Variants in CDK5RAP2 observed in about 807,000 individuals in gnomAD.
CDK5RAP2 encodes CDK5 regulatory subunit-associated protein 2.
In CDK5RAP2, 147 loss-of-function variants were observed where a neutral mutation model predicts 232.9. The ratio of observed to expected loss-of-function variants is 0.63; its 90% CI spans 0.55 to 0.72. The LOEUF (loss-of-function observed/expected upper bound fraction) is 0.72. Ranked by LOEUF, CDK5RAP2 falls within the 30% of genes least tolerant of loss-of-function variation. CDK5RAP2 has a pLI of 0.00. For missense variants in CDK5RAP2, 2,195 were observed against 2,231.5 expected (o/e 0.98, Z 0.33); for synonymous variants, 833 against 833.7 (o/e 1.00, Z 0.01).
chr9:120,444,891 T>C (rs2036095465), intron 22 of CDK5RAP2, among the ~76,000 whole-genome samples: 1 of 152,190 alleles, frequency 6.6e-6, no homozygotes, highest in African/African-American at 2.4e-5. Context: ...CAAAGGACTG[T>C]TGAGAGAACC....
chr9:120,542,390 A>G (rs2041669425), intron 5 of CDK5RAP2, among the ~76,000 whole-genome samples: 1 of 151,970 alleles, frequency 6.6e-6, no homozygotes, highest in African/African-American at 2.4e-5. Flanking sequence ...CTGTAATCCC[A>G]GCTACTCGGG....
intron 12 of CDK5RAP2, among the ~76,000 whole-genome samples, chr9:120,495,914 G>A (rs1193379786): frequency 1.5e-3 from 134 of 86,930 alleles, no homozygotes; most frequent in African/African-American, 4.5e-3. Flanking sequence ...CAGCCACCCC[G>A]TCCGGGAGGG....
At chr9:120,538,988 C>G in intron 6 of CDK5RAP2, 53 bp downstream of exon 6, 1 of 1,589,608 alleles carries the variant, frequency 6.3e-7, no homozygotes, top group Admixed American at 1.7e-5. Context: ...CTGTGCCAGC[C>G]TATTATTAAC....
At chr9:120,413,826 A>AGAG (rs1163760057) in intron 28 of CDK5RAP2, among the ~76,000 whole-genome samples, 4 of 120,902 alleles carry the variant, frequency 3.3e-5, no homozygotes, top group Non-Finnish European at 5.1e-5. Context: ...AGGAGGGAGG[A>AGAG]GGGAGGAGGG....
At chr9:120,472,153 C>T (rs1241485870) in intron 15 of CDK5RAP2, among the ~76,000 whole-genome samples, 3 of 152,212 alleles carry the variant, frequency 2.0e-5, no homozygotes, top group African/African-American at 4.8e-5. Context: ...ACTAGACATA[C>T]AATGCTGATA....
chr9:120,518,208 T>TGAGACA (rs1229355233), intron 12 of CDK5RAP2, among the ~76,000 whole-genome samples: 1 of 111,398 alleles, frequency 9.0e-6, no homozygotes, highest in Non-Finnish European at 1.7e-5. Context: ...TGTGTGTGTG[T>TGAGACA]GTGAGAGAGA....
intron 12 of CDK5RAP2, among the ~76,000 whole-genome samples, chr9:120,511,976 G>A (rs2040112234): frequency 6.6e-6 from 1 of 152,050 alleles, no homozygotes; most frequent in Non-Finnish European, 1.5e-5. Context: ...CACCTCAGGT[G>A]ATCCACCCAC....
intron 11 of CDK5RAP2, 59 bp from the exon 12 acceptor site, chr9:120,518,704 A>T: frequency 7.3e-7 from 1 of 1,365,038 alleles, no homozygotes; most frequent in East Asian, 2.3e-5. Flanking sequence ...GAAACAAACC[A>T]AGAAACCTGG....
intron 2 of CDK5RAP2, among the ~76,000 whole-genome samples, chr9:120,568,860 T>C (rs530389863): frequency 6.6e-6 from 1 of 152,218 alleles, no homozygotes; most frequent in South Asian, 2.1e-4. Context: ...AAATCCTCTG[T>C]TGTCACACAA....
Position 120,504,354 on chromosome 9 carries a change from T to C in CDK5RAP2, c.1312-12877A>G, listed in dbSNP as rs971380966. On this transcript the variant is annotated intron_variant, in intron 12 of 37. Coordinates refer to ENST00000349780, the MANE Select transcript of CDK5RAP2 (RefSeq NM_018249.6). ...CAAAAGAATCTGGAACTTGGGTTCTTATAACTCACCCATTAACAAGAATGG... is the reference window on the plus strand; with the variant it reads ...CAAAAGAATCTGGAACTTGGGTTCTCATAACTCACCCATTAACAAGAATGG... Among the ~76,000 whole-genome samples the C allele has an allele frequency of 2.6e-5, 4 of 152,292 alleles. No individual in the cohort carries two copies. The South Asian group carries it at 6.2e-4, about 24-fold the overall frequency.
At position 120,389,099 on chromosome 9, in the gene CDK5RAP2, A is replaced by G; in HGVS notation, c.*137T>C. 2.5e-6 allele frequency: 2 copies of G among 808,224 alleles called. No homozygotes were observed. The highest frequency in any genetic ancestry group is 4.1e-6 in the Non-Finnish European group (2 of 492,186). The allele number at this position is 808,224 out of a possible 1,614,324, so 50.1% of individuals were successfully genotyped here. ...AACTCTCAAGCCAACTTTCAGAGAG[A>G]AAACATGAAGGGAAAAAATAGATTT... On this transcript the variant is annotated 3_prime_UTR_variant, in exon 38 of 38. Transcript: ENST00000349780.
At chr9:120,429,102 G>A (rs976384693) in intron 25 of CDK5RAP2, among the ~76,000 whole-genome samples, 6 of 152,098 alleles carry the variant, frequency 3.9e-5, no homozygotes, top group African/African-American at 1.4e-4. Flanking sequence ...TTGATCGAAC[G>A]TTATCTCAAA....
intron 14 of CDK5RAP2, among the ~76,000 whole-genome samples, chr9:120,485,227 A>G (rs1022718694): frequency 6.6e-6 from 1 of 152,190 alleles, no homozygotes; most frequent in African/African-American, 2.4e-5. Context: ...GATAAAACTG[A>G]AATTAGATTT....
intron 2 of CDK5RAP2, 57 bp downstream of exon 2, chr9:120,571,917 C>G: frequency 7.3e-7 from 1 of 1,363,658 alleles, no homozygotes. Context: ...TGCTCACAGT[C>G]CAATGTCTAC....
Position 120,400,727 on chromosome 9 carries a change from T to C in CDK5RAP2, c.5451+15A>G. ...GTGGCATCCTTGAGCCTCTGAAACATGTGTCACCACCTACCTGCTCACAGT... is the reference window on the plus strand; with the variant it reads ...GTGGCATCCTTGAGCCTCTGAAACACGTGTCACCACCTACCTGCTCACAGT... On this transcript the variant is annotated intron_variant, in intron 35 of 37. Transcript: ENST00000349780. 1 of 1,612,866 alleles carries C rather than the reference T, an allele frequency of 6.2e-7. No individual in the cohort carries two copies. The highest frequency in any genetic ancestry group is 1.1e-5 in the South Asian group (1 of 91,032).
rs1412202045 is a variant in CDK5RAP2, at chr9:120,453,861, C to G, written c.2388G>C (p.Leu796=). 5.0e-6 allele frequency: 8 copies of G among 1,614,112 alleles called. No individual in the cohort carries two copies. Among genetic ancestry groups the G allele is most frequent in the Non-Finnish European group, 6.8e-6 (8 of 1,180,036 alleles). ...CCAGAAGCAGTTCCCGTACCACTTT[C>G]AGAAGGTCTGGCCTGTTTTTCCAAA... The part of the protein sequence containing the change: ...TLLLESRPDL[L]KVVRELLLGQ... The change falls in exon 21 of 38, where the codon CTG becomes CTC. Residue 796 remains leucine (L), a synonymous_variant. Transcript: ENST00000349780.
intron 1 of CDK5RAP2, 130 bp downstream of exon 1, chr9:120,579,790 A>T: frequency 1.4e-6 from 1 of 726,526 alleles, no homozygotes; most frequent in Non-Finnish European, 2.4e-6. Context: ...ACCCTCTCCG[A>T]AGGAACCCAC....
chr9:120,549,432 C>T (rs2041971147), intron 4 of CDK5RAP2, among the ~76,000 whole-genome samples: 1 of 152,146 alleles, frequency 6.6e-6, no homozygotes, highest in Admixed American at 6.5e-5. Context: ...CAAAAACTTA[C>T]ACTGAAGAAA....
At chr9:120,395,441 A>C (rs367705506) in intron 35 of CDK5RAP2, among the ~76,000 whole-genome samples, 3 of 152,282 alleles carry the variant, frequency 2.0e-5, no homozygotes, top group Admixed American at 6.5e-5. Flanking sequence ...GGTTTTCCAG[A>C]GTAAACTCTG....
Sources: allele counts gnomAD v4.1 joint callset (sites outside exome capture counted in the v4.1 genomes callset), GRCh38; gene constraint gnomAD v4.1.1; transcripts MANE v1.5; gene names NCBI Gene and HGNC (gene_info 2026-07-23, HGNC 2026-07-21).